Variants in SOBP observed in about 807,000 individuals in gnomAD.
The protein encoded by SOBP is sine oculis binding protein homolog.
SOBP carries 4 observed loss-of-function variants against 53.6 expected under a neutral mutation model. That is an observed-to-expected ratio of 0.07 (90% CI 0.04 to 0.17). The LOEUF (loss-of-function observed/expected upper bound fraction) is 0.17, where lower values mean the gene tolerates loss of function less well. Among genes scored for constraint, SOBP ranks in the 10% least tolerant of loss-of-function variants. SOBP has a pLI of 1.00. For synonymous variants in SOBP, 584 were observed against 522.6 expected, an observed-to-expected ratio of 1.12 and a Z score of -1.60; for missense variants, 1,088 against 1,204.7, an observed-to-expected ratio of 0.90 and a Z score of 1.43.
chr6:107,598,378 G>A (rs952975885), intron 5 of SOBP, among the ~76,000 whole-genome samples: 1 of 152,178 alleles, frequency 6.6e-6, no homozygotes, highest in East Asian at 1.9e-4. Flanking sequence ...AGAGATGAAG[G>A]TTGGGCTTGC....
chr6:107,651,995 A>G (rs1771820620), intron 6 of SOBP, among the ~76,000 whole-genome samples: 1 of 152,224 alleles, frequency 6.6e-6, no homozygotes, highest in Non-Finnish European at 1.5e-5. Context: ...CTGCTTATTG[A>G]CAATGCATTT....
In SOBP at chr6:107,655,072, G is replaced by A. The variant is rs534138297; in HGVS notation, c.*4-3135G>A. ...GTACTGTAACTCGGGTCTCTGTTTC[G>A]CTTATTGTAGTAATTTCCCCTTTGC... On this transcript the variant is annotated intron_variant, in intron 6 of 6. Coordinates refer to ENST00000317357, the MANE Select transcript of SOBP (RefSeq NM_018013.4). Among the ~76,000 whole-genome samples, 9 of 152,154 alleles carry A rather than the reference G, an allele frequency of 5.9e-5. No individual in the cohort carries two copies. The South Asian group carries it at 1.7e-3, about 28-fold the overall frequency.
At chr6:107,497,684 A>G (rs1049820607) in intron 1 of SOBP, among the ~76,000 whole-genome samples, 1 of 152,188 alleles carries the variant, frequency 6.6e-6, no homozygotes, top group Admixed American at 6.5e-5. Flanking sequence ...TTTTCATGGC[A>G]ATAAAAATGT....
chr6:107,580,800 A>G (rs1436389299), intron 4 of SOBP, among the ~76,000 whole-genome samples: 2 of 152,194 alleles, frequency 1.3e-5, no homozygotes, highest in Admixed American at 6.5e-5. Context: ...CTAACCAAGT[A>G]GGAGGAGCAG....
intron 3 of SOBP, among the ~76,000 whole-genome samples, chr6:107,508,698 A>G (rs1023886214): frequency 6.6e-6 from 1 of 152,240 alleles, no homozygotes; most frequent in Non-Finnish European, 1.5e-5. Flanking sequence ...TAATTGGTGT[A>G]TCATATAAAG....
chr6:107,523,565 C>G (rs928964284), intron 3 of SOBP, among the ~76,000 whole-genome samples: 11 of 152,308 alleles, frequency 7.2e-5, no homozygotes, highest in African/African-American at 2.6e-4. Context: ...AGTGCTTGGG[C>G]CCTCCCAGGT....
intron 4 of SOBP, among the ~76,000 whole-genome samples, chr6:107,551,651 A>C (rs1317189639): frequency 6.6e-6 from 1 of 152,206 alleles, no homozygotes; most frequent in Admixed American, 6.5e-5. Flanking sequence ...CTGAAATAAA[A>C]ATTTCATGAA....
chr6:107,516,869 A>T (rs1399153104), intron 3 of SOBP, among the ~76,000 whole-genome samples: 1 of 152,210 alleles, frequency 6.6e-6, no homozygotes, highest in African/African-American at 2.4e-5. Flanking sequence ...ATTAAAGAAG[A>T]CCTAAATCAA....
rs749614345 is a variant in SOBP at position 107,634,704 on chromosome 6, G to A, written c.1860G>A (p.Val620=). Residue 620 remains valine, a synonymous_variant, in exon 6 of 7, where the codon GTG becomes GTA. Transcript: ENST00000317357. The surrounding 1 kb of genome is among the most constrained non-coding windows in gnomAD (Gnocchi z 4.5). ...CCGCCGAGCATGGCCGGAGCGAGGT[G>A]GTGGACCTGACGCGGCGCGCCGGCA... ...PTPAEHGRSE[V]VDLTRRAGSP... is the part of the protein sequence containing the mutation. 7 of 1,439,754 alleles carry A rather than the reference G, an allele frequency of 4.9e-6. No homozygotes were observed. Among genetic ancestry groups the A allele is most frequent in the Admixed American group, 2.6e-5 (1 of 38,826 alleles). The allele number at this position is 1,439,754 out of a possible 1,614,324, so 89.2% of individuals were successfully genotyped here.
rs555957877 is a variant in SOBP, at chr6:107,614,172, C to T, written c.670-19342C>T. On this transcript the variant is annotated intron_variant, in intron 5 of 6. Coordinates refer to ENST00000317357, the MANE Select transcript of SOBP (RefSeq NM_018013.4). The stretch of plus-strand genomic sequence containing the variant: ...ATCCCAGCACTTTGGGAGGCTGAGG[C>T]GGGAGGATCACTTGAGGCCAAGAAT... 3.3e-5 allele frequency among the ~76,000 whole-genome samples: 5 copies of T among 152,172 alleles called. No individual in the cohort carries two copies. In the South Asian group the frequency reaches 8.3e-4, roughly 25 times the overall value.
At chr6:107,614,616 A>C (rs1406177256) in intron 5 of SOBP, among the ~76,000 whole-genome samples, 1 of 152,204 alleles carries the variant, frequency 6.6e-6, no homozygotes, top group Non-Finnish European at 1.5e-5. Flanking sequence ...TAAAGTAGTG[A>C]GTTCCCCGTT....
At chr6:107,574,920 G>A (rs1785181696) in intron 4 of SOBP, among the ~76,000 whole-genome samples, 1 of 152,216 alleles carries the variant, frequency 6.6e-6, no homozygotes. Flanking sequence ...CAGAGGGCGA[G>A]TTACCTCTCA....
intron 5 of SOBP, among the ~76,000 whole-genome samples, chr6:107,600,297 G>A (rs1051609412): frequency 6.6e-6 from 1 of 152,144 alleles, no homozygotes; most frequent in Non-Finnish European, 1.5e-5. Context: ...TACGTGCCGC[G>A]CCTGGTCAAG....
intron 3 of SOBP, among the ~76,000 whole-genome samples, chr6:107,532,529 TTTG>T (rs1196973693): frequency 6.6e-6 from 1 of 152,222 alleles, no homozygotes; most frequent in Non-Finnish European, 1.5e-5. Flanking sequence ...TTTAAAATCC[TTTG>T]TTTTAAGCAG....
At chr6:107,516,626 A>C (rs940041467) in intron 3 of SOBP, among the ~76,000 whole-genome samples, 5 of 152,222 alleles carry the variant, frequency 3.3e-5, no homozygotes, top group African/African-American at 1.2e-4. Context: ...ACCTCCCTAC[A>C]GTCAATCTAC....
chr6:107,556,888 T>G (rs1469683003), intron 4 of SOBP, among the ~76,000 whole-genome samples: 1 of 152,200 alleles, frequency 6.6e-6, no homozygotes, highest in Non-Finnish European at 1.5e-5. Flanking sequence ...CATGTGGTAA[T>G]TGGGTCCAAA....
chr6:107,523,407 G>T (rs1185775088), intron 3 of SOBP, among the ~76,000 whole-genome samples: 1 of 152,240 alleles, frequency 6.6e-6, no homozygotes, highest in Admixed American at 6.5e-5. Flanking sequence ...GTTCTAGTAG[G>T]TTCATCTTGC....
chr6:107,515,892 G>T (rs949752838), intron 3 of SOBP, among the ~76,000 whole-genome samples: 1 of 152,018 alleles, frequency 6.6e-6, no homozygotes, highest in Non-Finnish European at 1.5e-5. Context: ...AGGAATGCAA[G>T]GTTGGTTTAA....
intron 6 of SOBP, among the ~76,000 whole-genome samples, chr6:107,645,034 A>C (rs879455512): frequency 6.6e-6 from 1 of 152,162 alleles, no homozygotes; most frequent in Non-Finnish European, 1.5e-5. Context: ...GTGGAAAAAC[A>C]TTATAACCTT....
Sources: allele counts gnomAD v4.1 joint callset (sites outside exome capture counted in the v4.1 genomes callset), GRCh38; gene constraint gnomAD v4.1.1; non-coding constraint Gnocchi (gnomAD v3.1); transcripts MANE v1.5; gene names NCBI Gene and HGNC (gene_info 2026-07-23, HGNC 2026-07-21).